ABL1: variants seen among roughly 807,000 people sequenced by gnomAD.
ABL1 encodes ABL proto-oncogene 1, non-receptor tyrosine kinase, also known as tyrosine-protein kinase ABL1.
ABL1 carries 11 observed loss-of-function variants against 94.7 expected under a neutral mutation model. The observed-to-expected ratio is 0.12, with a 90% CI of 0.07 to 0.19. ABL1 has a LOEUF of 0.19. Ranked by LOEUF, ABL1 falls within the 10% of genes least tolerant of loss-of-function variation. The probability of loss-of-function intolerance (pLI) is 1.00; values close to 1 mark genes in which losing one functional copy is unlikely to be tolerated. For synonymous variants in ABL1, 656 were observed against 622.4 expected, an observed-to-expected ratio of 1.05 and a Z score of -0.80; for missense variants, 1,082 against 1,489.4, an observed-to-expected ratio of 0.73 and a Z score of 4.50.
chr9:130,722,261 C>G (rs1831526101), intron 1 of ABL1, among the ~76,000 whole-genome samples: 1 of 152,080 alleles, frequency 6.6e-6, no homozygotes, highest in Non-Finnish European at 1.5e-5. Flanking sequence ...GGCATGGTGG[C>G]ATATGCCTGT....
intron 6 of ABL1, among the ~76,000 whole-genome samples, chr9:130,874,157 C>T (rs1831302805): frequency 6.6e-6 from 1 of 152,106 alleles, no homozygotes. Flanking sequence ...AAGCTGCTGC[C>T]CCCTCTCATT....
intron 1 of ABL1, among the ~76,000 whole-genome samples, chr9:130,727,727 G>C (rs541803517): frequency 7.0e-6 from 1 of 142,536 alleles, no homozygotes; most frequent in Admixed American, 7.1e-5. Context: ...TTGCACTCCA[G>C]CCTGGGTGAC....
rs906063156 is a variant in ABL1, at chr9:130,880,193, G to C, written c.1513+36G>C. On this transcript the variant is annotated intron_variant, in intron 9 of 10. Transcript: ENST00000318560. This position sits in a 1 kb window ranked among gnomAD's most constrained non-coding sequence, Gnocchi z 4.4. ...CATCCCGGGGTACCTGCAGTGGGGT[G>C]AAAGGGCAGCCATGTGGGACTGCAG... 23 of 1,598,032 alleles carry C rather than the reference G, an allele frequency of 1.4e-5. No homozygotes were observed. The highest frequency in any genetic ancestry group is 2.0e-5 in the Non-Finnish European group (23 of 1,165,384).
chr9:130,748,045 C>T (rs1360687952), intron 1 of ABL1, among the ~76,000 whole-genome samples: 1 of 152,172 alleles, frequency 6.6e-6, no homozygotes. Flanking sequence ...TCCTGGTATC[C>T]TCGGCTGAAC....
chr9:130,835,274 C>A lies in ABL1; in HGVS notation c.-173C>A, dbSNP rs1830547852. 6.5e-6 allele frequency: 1 copy of A among 152,684 alleles called. No homozygotes were observed. Among genetic ancestry groups the A allele is most frequent in the Non-Finnish European group, 1.4e-5 (1 of 71,328 alleles). 9.5% of individuals were successfully genotyped at this position (152,684 alleles called of 1,614,324 possible). ...CCTTTGTTAACAGGCGCGTCCCGGC[C>A]AGGCGGAGACGCGGCCGCGGCCATG... On this transcript the variant is annotated 5_prime_UTR_variant, in exon 1 of 11. Transcript: ENST00000318560. This position sits in a 1 kb window ranked among gnomAD's most constrained non-coding sequence, Gnocchi z 4.6.
chr9:130,779,348 A>C (rs1158808222), intron 1 of ABL1, among the ~76,000 whole-genome samples: 5 of 152,242 alleles, frequency 3.3e-5, no homozygotes, highest in Non-Finnish European at 7.3e-5. Flanking sequence ...GTTTAATAAC[A>C]GTCATCGTTC....
At chr9:130,845,859 T>TAA (rs11393708) in intron 1 of ABL1, among the ~76,000 whole-genome samples, 4 of 146,724 alleles carry the variant, frequency 2.7e-5, no homozygotes, top group East Asian at 2.0e-4. Context: ...AAACTCTATC[T>TAA]AAAAAAAAAA....
intron 1 of ABL1, among the ~76,000 whole-genome samples, chr9:130,801,215 C>T (rs1178576367): frequency 1.3e-5 from 2 of 152,024 alleles, no homozygotes; most frequent in East Asian, 1.9e-4. Context: ...AGGCCTGAGC[C>T]ACAGTGCCCG....
rs543036077 is a variant in ABL1 at position 130,802,166 on chromosome 9, C to T, written c.137-51898C>T. Among the ~76,000 whole-genome samples the T allele has an allele frequency of 2.7e-5, 4 of 148,324 alleles. No homozygotes were observed. In the East Asian group the frequency reaches 7.9e-4, roughly 29 times the overall value. ...ATGGTACAGCGGTGTGATCACGACT[C>T]ACTGCAACTTTGGCCTCCTGGGTTT... On this transcript the variant is annotated intron_variant, in intron 1 of 10. Coordinates refer to the ABL1 transcript ENST00000372348.
At chr9:130,730,138 G>A (rs575701829) in intron 1 of ABL1, among the ~76,000 whole-genome samples, 40 of 149,620 alleles carry the variant, frequency 2.7e-4, no homozygotes, top group African/African-American at 9.4e-4. Flanking sequence ...CCGCCTCCTG[G>A]GTTCAAGTGA....
intron 1 of ABL1, among the ~76,000 whole-genome samples, chr9:130,847,203 G>C (rs577007079): frequency 1.3e-5 from 2 of 152,264 alleles, no homozygotes; most frequent in Non-Finnish European, 2.9e-5. Context: ...TGAAGATCCA[G>C]ATCTTAGATC....
intron 1 of ABL1, among the ~76,000 whole-genome samples, chr9:130,727,572 C>A (rs1242826322): frequency 6.6e-6 from 1 of 152,002 alleles, no homozygotes; most frequent in Non-Finnish European, 1.5e-5. Flanking sequence ...ACCAGCCTGG[C>A]CAAGATGGTG....
At chr9:130,859,672 CTTTCCTTTTTTTTTTTTT>C (rs1347178498) in intron 3 of ABL1, among the ~76,000 whole-genome samples, 1 of 86,560 alleles carries the variant, frequency 1.2e-5, no homozygotes, top group Admixed American at 1.3e-4. Flanking sequence ...TCTTTTCTTT[CTTTCCTTTTTTTTTTTTT>C]TTTTTTTTTT....
rs1831564839 is a variant in ABL1 at position 130,885,553 on chromosome 9, A to G, written c.3263A>G (p.Asn1088Ser). 6.2e-7 allele frequency: 1 copy of G among 1,614,148 alleles called. No individual in the cohort carries two copies. Among genetic ancestry groups the G allele is most frequent in the Non-Finnish European group, 8.5e-7 (1 of 1,180,052 alleles). The change falls in exon 11 of 11, where the codon AAC becomes AGC. Residue 1088 changes from asparagine to serine, a missense_variant. Transcript: ENST00000318560. ...AAGTTTGCCTTCCGAGAGGCCATCA[A>G]CAAACTGGAGAATAATCTCCGGGAG... The part of the protein sequence containing the change: ...RNKFAFREAI[N>S]KLENNLRELQ...
At chr9:130,826,446 T>G (rs1249312930) in intron 1 of ABL1, among the ~76,000 whole-genome samples, 1 of 151,742 alleles carries the variant, frequency 6.6e-6, no homozygotes, top group Non-Finnish European at 1.5e-5. Flanking sequence ...ATATTTTAAG[T>G]GAAGATGTGT....
chr9:130,719,070 C>T (rs778674612), intron 1 of ABL1, among the ~76,000 whole-genome samples: 5 of 151,698 alleles, frequency 3.3e-5, no homozygotes, highest in Non-Finnish European at 4.4e-5. Context: ...TTGTGTATGT[C>T]CAGGAAAAAA....
intron 1 of ABL1, among the ~76,000 whole-genome samples, chr9:130,850,452 T>G (rs1050596877): frequency 1.3e-5 from 2 of 152,206 alleles, no homozygotes; most frequent in African/African-American, 4.8e-5. Context: ...ATATTCATTA[T>G]AGGGAGGACT....
chr9:130,806,946 C>T (rs996042923), intron 1 of ABL1, among the ~76,000 whole-genome samples: 1 of 152,006 alleles, frequency 6.6e-6, no homozygotes. Flanking sequence ...GTCAGGAGTC[C>T]GAGACTAGCC....
At position 130,835,578 on chromosome 9, in the gene ABL1, T is replaced by G; in HGVS notation, c.79+53T>G. The G allele has an allele frequency of 6.7e-7, 1 of 1,486,682 alleles. No individual in the cohort carries two copies. The highest frequency in any genetic ancestry group is 1.2e-5 in the South Asian group (1 of 82,482). 92.1% of individuals were successfully genotyped at this position (1,486,682 alleles called of 1,614,324 possible). On this transcript the variant is annotated intron_variant, in intron 1 of 10. Transcript: ENST00000318560. The surrounding 1 kb of genome is among the most constrained non-coding windows in gnomAD (Gnocchi z 4.6). ...GAGTAGCCGCGCGCCCTCCCGCTGCTGCTGGGCCCTTCCTAGGCCTCGCCG... is the reference window on the plus strand; with the variant it reads ...GAGTAGCCGCGCGCCCTCCCGCTGCGGCTGGGCCCTTCCTAGGCCTCGCCG...
Sources: gnomAD v4.1 joint callset for allele counts (sites outside exome capture counted in the v4.1 genomes callset) on GRCh38, gnomAD v4.1.1 for gene constraint, Gnocchi (gnomAD v3.1) non-coding constraint, MANE v1.5 for transcripts, NCBI Gene and HGNC (gene_info 2026-07-23, HGNC 2026-07-21) for gene names.